Variants in TBC1D22A observed in about 807,000 individuals in gnomAD.
TBC1D22A encodes the protein putative GTPase activator.
TBC1D22A carries 38 observed loss-of-function variants against 60.2 expected under a neutral mutation model. That is an observed-to-expected ratio of 0.63 (90% CI 0.49 to 0.83). The LOEUF is 0.83. Ranked by LOEUF, TBC1D22A falls within the 40% of genes least tolerant of loss-of-function variation. The pLI is 0.00. For synonymous variants in TBC1D22A, 302 were observed against 281.7 expected (o/e 1.07, Z -0.72); for missense variants, 628 against 701.0 (o/e 0.90, Z 1.18).
chr22:47,018,217 C>A (rs1184723551), intron 10 of TBC1D22A, among the ~76,000 whole-genome samples: 2 of 152,254 alleles, frequency 1.3e-5, no homozygotes, highest in Non-Finnish European at 2.9e-5. Flanking sequence ...GAAGGGGCGC[C>A]CATGGAGGGG....
intron 1 of TBC1D22A, among the ~76,000 whole-genome samples, chr22:46,785,088 T>C (rs920435642): frequency 6.6e-6 from 1 of 152,224 alleles, no homozygotes; most frequent in African/African-American, 2.4e-5. Context: ...CCCCCTGGCA[T>C]AGAGCAAGCA....
intron 4 of TBC1D22A, among the ~76,000 whole-genome samples, chr22:46,822,670 T>C (rs1461280608): frequency 6.6e-6 from 1 of 152,126 alleles, no homozygotes; most frequent in African/African-American, 2.4e-5. Context: ...GCCAGCAGGA[T>C]CTGTCCTTTA....
intron 10 of TBC1D22A, among the ~76,000 whole-genome samples, chr22:47,018,719 C>T (rs558084208): frequency 1.3e-5 from 2 of 152,180 alleles, no homozygotes; most frequent in Non-Finnish European, 2.9e-5. Flanking sequence ...ACCGTGTCTC[C>T]TGCTCACCGG....
intron 8 of TBC1D22A, among the ~76,000 whole-genome samples, chr22:46,952,773 C>A (rs1000467822): frequency 6.6e-6 from 1 of 152,180 alleles, no homozygotes; most frequent in African/African-American, 2.4e-5. Context: ...CCCCTGGATT[C>A]TCTCTCTCAA....
At chr22:46,890,202 G>T (rs1010875339) in intron 5 of TBC1D22A, among the ~76,000 whole-genome samples, 1 of 152,146 alleles carries the variant, frequency 6.6e-6, no homozygotes, top group Non-Finnish European at 1.5e-5. Context: ...AGCTGGGCGT[G>T]GTGGCGGGTG....
At chr22:46,810,313 C>T (rs2085327645) in intron 4 of TBC1D22A, among the ~76,000 whole-genome samples, 1 of 152,198 alleles carries the variant, frequency 6.6e-6, no homozygotes, top group African/African-American at 2.4e-5. Context: ...TTTCTGTCTC[C>T]TTTCAGAAGT....
intron 4 of TBC1D22A, among the ~76,000 whole-genome samples, chr22:46,875,928 T>C (rs1602266167): frequency 6.6e-6 from 1 of 152,144 alleles, no homozygotes; most frequent in African/African-American, 2.4e-5. Flanking sequence ...CATACATTAC[T>C]TCTAGGAGAC....
At chr22:47,076,378 T>TACACACACAC (rs1202782684) in intron 11 of TBC1D22A, among the ~76,000 whole-genome samples, 1 of 106,742 alleles carries the variant, frequency 9.4e-6, no homozygotes, top group Admixed American at 1.1e-4. Flanking sequence ...TATATATATA[T>TACACACACAC]ATACACACAC....
intron 3 of TBC1D22A, among the ~76,000 whole-genome samples, chr22:46,795,149 T>C (rs2084597258): frequency 6.6e-6 from 1 of 152,238 alleles, no homozygotes; most frequent in African/African-American, 2.4e-5. Context: ...GTGATGGCCT[T>C]TGCGGGAGGC....
chr22:46,904,096 AATCTATCTATCTATCT>A (rs748640215), intron 7 of TBC1D22A, among the ~76,000 whole-genome samples: 22 of 106,920 alleles, frequency 2.1e-4, no homozygotes, highest in Non-Finnish European at 3.3e-4. Flanking sequence ...ATCTAAATAA[AATCTATCTATCTATCT>A]ATCTATCTAT....
At chr22:46,966,344 G>A (rs745712397) in intron 8 of TBC1D22A, among the ~76,000 whole-genome samples, 10 of 152,136 alleles carry the variant, frequency 6.6e-5, no homozygotes, top group Admixed American at 1.3e-4. Flanking sequence ...TGTAACAGAC[G>A]GTCGAAAGCA....
At chr22:46,941,372 T>C (rs976408345) in intron 8 of TBC1D22A, among the ~76,000 whole-genome samples, 2 of 147,800 alleles carry the variant, frequency 1.4e-5, no homozygotes, top group South Asian at 2.1e-4. Flanking sequence ...AGAATATATA[T>C]ACAGAATATA....
At chr22:47,154,072 C>G (rs1490072872) in intron 12 of TBC1D22A, among the ~76,000 whole-genome samples, 1 of 152,070 alleles carries the variant, frequency 6.6e-6, no homozygotes, top group Non-Finnish European at 1.5e-5. Context: ...TGAGGAGGGC[C>G]AGGAAGAGGG....
At chr22:46,861,719 A>G (rs1301837993) in intron 4 of TBC1D22A, among the ~76,000 whole-genome samples, 1 of 152,102 alleles carries the variant, frequency 6.6e-6, no homozygotes. Context: ...CCATGGGCAA[A>G]CTCAGAATTG....
intron 10 of TBC1D22A, among the ~76,000 whole-genome samples, chr22:47,001,241 C>G (rs778451811): frequency 5.3e-5 from 8 of 150,956 alleles, no homozygotes; most frequent in Non-Finnish European, 1.0e-4. Context: ...TAGTGAGAAG[C>G]AAAACAAAAT....
chr22:47,053,358 G>A (rs933386544), intron 11 of TBC1D22A, among the ~76,000 whole-genome samples: 1 of 152,234 alleles, frequency 6.6e-6, no homozygotes, highest in Non-Finnish European at 1.5e-5. Context: ...GAGCCTGGGG[G>A]CTTTGCTATC....
At chr22:46,860,117 C>T (rs56676213) in intron 4 of TBC1D22A, among the ~76,000 whole-genome samples, 2 of 918 alleles carry the variant, frequency 2.2e-3, no homozygotes, top group Admixed American at 9.6e-3. Context: ...CGCGCAGTGC[C>T]GTGCCCCTTC....
chr22:46,974,933 C>T (rs547703279), intron 9 of TBC1D22A, among the ~76,000 whole-genome samples: 1 of 152,366 alleles, frequency 6.6e-6, no homozygotes, highest in African/African-American at 2.4e-5. Context: ...CGGGTCTCTG[C>T]ATCAGCTAGG....
At chr22:46,912,218 A>G (rs1323629300) in intron 8 of TBC1D22A, 30 bp downstream of exon 8, 30 of 1,484,206 alleles carry the variant, frequency 2.0e-5, no homozygotes, top group Non-Finnish European at 2.8e-5. Flanking sequence ...TTAAACGTGA[A>G]CTTTAGTGGA....
Sources: gnomAD v4.1 joint callset for allele counts (sites outside exome capture counted in the v4.1 genomes callset) on GRCh38, gnomAD v4.1.1 for gene constraint, MANE v1.5 for transcripts, NCBI Gene and HGNC (gene_info 2026-07-23, HGNC 2026-07-21) for gene names.